Variants in WWOX observed in about 807,000 individuals in gnomAD.
WWOX encodes the protein WW domain containing oxidoreductase, also known as WW domain-containing oxidoreductase.
A neutral mutation model predicts 46.2 loss-of-function variants in WWOX; 69 were observed. That is an observed-to-expected ratio of 1.49 (90% CI 1.23 to 1.82). The LOEUF is 1.82. Among genes scored for constraint, WWOX ranks in the 40% most tolerant of loss-of-function variants. WWOX has a pLI of 0.00. For synonymous variants in WWOX, 359 were observed against 202.6 expected (o/e 1.77, Z -6.56); for missense variants, 919 against 542.6 (o/e 1.69, Z -6.89).
chr16:78,665,747 C>A (rs150744148), intron 8 of WWOX, among the ~76,000 whole-genome samples: 5 of 152,098 alleles, frequency 3.3e-5, no homozygotes, highest in Non-Finnish European at 5.9e-5. Flanking sequence ...TGTAGTGATT[C>A]CATCTCAGCT....
At chr16:78,260,660 T>C (rs1324230543) in intron 5 of WWOX, among the ~76,000 whole-genome samples, 1 of 148,338 alleles carries the variant, frequency 6.7e-6, no homozygotes, top group Non-Finnish European at 1.5e-5. Flanking sequence ...AAAGCTATAC[T>C]CCATCTAAAA....
rs569433867 is a variant in WWOX, at chr16:78,756,933, A to G, written c.1056+324181A>G. On this transcript the variant is annotated intron_variant, in intron 8 of 8. Coordinates refer to ENST00000566780, the MANE Select transcript of WWOX (RefSeq NM_016373.4). The stretch of plus-strand genomic sequence containing the variant: ...TCTGCCTTACTGATGTGGATCATTC[A>G]CTCTAGGAAAAGCCAGCTGCCATGT... 3.3e-4 allele frequency: 230 copies of G among 702,908 alleles called. 6 individuals are homozygous for G. Among genetic ancestry groups the G allele is most frequent in the South Asian group, 2.5e-3 (172 of 67,594 alleles). The allele number at this position is 702,908 out of a possible 1,614,324, so 43.5% of individuals were successfully genotyped here.
intron 8 of WWOX, among the ~76,000 whole-genome samples, chr16:79,028,956 A>G (rs1295860527): frequency 6.6e-6 from 1 of 151,856 alleles, no homozygotes; most frequent in Non-Finnish European, 1.5e-5. Flanking sequence ...AAAAGAGCAT[A>G]TCTAGTACCT....
At chr16:79,018,824 C>G (rs937033263) in intron 8 of WWOX, among the ~76,000 whole-genome samples, 3 of 152,000 alleles carry the variant, frequency 2.0e-5, no homozygotes, top group Admixed American at 6.6e-5. Context: ...GATGATGATT[C>G]ATTATGCAAA....
chr16:79,115,832 T>G (rs2049505280), intron 8 of WWOX, among the ~76,000 whole-genome samples: 1 of 152,212 alleles, frequency 6.6e-6, no homozygotes, highest in African/African-American at 2.4e-5. Flanking sequence ...TACACCAGCT[T>G]TCGCCACCCA....
chr16:78,351,068 A>C (rs1447938538), intron 5 of WWOX, among the ~76,000 whole-genome samples: 3 of 152,208 alleles, frequency 2.0e-5, no homozygotes, highest in Non-Finnish European at 4.4e-5. Flanking sequence ...ACATCTCTTC[A>C]TATGATTATT....
chr16:79,175,934 T>C (rs1316252733), intron 8 of WWOX, among the ~76,000 whole-genome samples: 1 of 152,154 alleles, frequency 6.6e-6, no homozygotes, highest in Non-Finnish European at 1.5e-5. Context: ...CTACCTGAGT[T>C]CCATTCCTGC....
intron 8 of WWOX, among the ~76,000 whole-genome samples, chr16:78,464,553 A>T (rs1350855881): frequency 1.3e-5 from 2 of 152,170 alleles, no homozygotes; most frequent in African/African-American, 4.8e-5. Flanking sequence ...CGATCCTTCA[A>T]GGGATCCTTG....
chr16:79,156,665 T>G (rs1462393831), intron 8 of WWOX, among the ~76,000 whole-genome samples: 2 of 151,884 alleles, frequency 1.3e-5, no homozygotes, highest in African/African-American at 2.4e-5. Flanking sequence ...CTTACAGAGG[T>G]AATTGCTCAC....
At chr16:79,202,755 G>T (rs1168431601) in intron 8 of WWOX, 1 of 152,174 alleles carries the variant, frequency 6.6e-6, no homozygotes, top group Non-Finnish European at 1.5e-5. Flanking sequence ...ATAGCAGCAT[G>T]CATAGCTTGT....
At chr16:78,372,940 A>G (rs752836487) in intron 5 of WWOX, among the ~76,000 whole-genome samples, 1 of 152,218 alleles carries the variant, frequency 6.6e-6, no homozygotes, top group Non-Finnish European at 1.5e-5. Flanking sequence ...AATCTGATAT[A>G]TGCTACTGGG....
At chr16:78,665,396 G>A (rs1325875116) in intron 8 of WWOX, among the ~76,000 whole-genome samples, 3 of 152,108 alleles carry the variant, frequency 2.0e-5, no homozygotes, top group Non-Finnish European at 4.4e-5. Context: ...TTATTATTGA[G>A]TTACTGAATA....
intron 8 of WWOX, among the ~76,000 whole-genome samples, chr16:79,106,255 C>G (rs533003512): frequency 6.6e-6 from 1 of 152,192 alleles, no homozygotes; most frequent in African/African-American, 2.4e-5. Context: ...TTCTTCATCC[C>G]TTGTCAAACT....
chr16:78,492,433 T>C (rs2084806982), intron 8 of WWOX, among the ~76,000 whole-genome samples: 1 of 152,180 alleles, frequency 6.6e-6, no homozygotes, highest in African/African-American at 2.4e-5. Context: ...GACCTCCCAG[T>C]GTGCTGGAGT....
chr16:78,782,204 A>G (rs545002571), intron 8 of WWOX, among the ~76,000 whole-genome samples: 1 of 152,094 alleles, frequency 6.6e-6, no homozygotes, highest in African/African-American at 2.4e-5. Context: ...CAGGCCACCT[A>G]TCCCTTCCGA....
intron 8 of WWOX, 104 bp downstream of exon 8, chr16:78,432,856 G>A: frequency 6.4e-7 from 1 of 1,553,324 alleles, no homozygotes; most frequent in Non-Finnish European, 8.9e-7. Context: ...TCTGGTCTCA[G>A]TAATAACATT....
chr16:78,678,812 C>G (rs768540714), intron 8 of WWOX, among the ~76,000 whole-genome samples: 1 of 152,080 alleles, frequency 6.6e-6, no homozygotes, highest in Non-Finnish European at 1.5e-5. Flanking sequence ...CATGCATCCC[C>G]TCATTGACTT....
chr16:78,902,297 G>A (rs1319952436), intron 8 of WWOX, among the ~76,000 whole-genome samples: 1 of 152,174 alleles, frequency 6.6e-6, no homozygotes, highest in Non-Finnish European at 1.5e-5. Flanking sequence ...CTGCATCTCT[G>A]CAGCATAATT....
intron 8 of WWOX, chr16:78,825,858 C>T (rs2051639154): frequency 9.3e-6 from 6 of 643,870 alleles, no homozygotes; most frequent in Non-Finnish European, 1.7e-5. Flanking sequence ...TGGGACCCCG[C>T]TGGTAAGACT....
Sources: allele counts gnomAD v4.1 joint callset (sites outside exome capture counted in the v4.1 genomes callset), GRCh38; gene constraint gnomAD v4.1.1; transcripts MANE v1.5; gene names NCBI Gene and HGNC (gene_info 2026-07-23, HGNC 2026-07-21).